Variants in SZRD1 observed in about 807,000 individuals in gnomAD.
The protein encoded by SZRD1 is SUZ RNA-binding domain-containing.
A neutral mutation model predicts 17.6 loss-of-function variants in SZRD1; 7 were observed. The ratio of observed to expected loss-of-function variants is 0.40; its 90% CI spans 0.23 to 0.75. The LOEUF (loss-of-function observed/expected upper bound fraction) is 0.75. Ranked by LOEUF, SZRD1 falls within the 30% of genes least tolerant of loss-of-function variation. SZRD1 has a pLI of 0.38. For synonymous variants in SZRD1, 77 were observed against 77.9 expected, an observed-to-expected ratio of 0.99 and a Z score of 0.06; for missense variants, 178 against 201.8, an observed-to-expected ratio of 0.88 and a Z score of 0.71.
Position 16,393,524 on chromosome 1 carries a change from G to T in SZRD1, c.356+42G>T. On this transcript the variant is annotated intron_variant, in intron 3 of 3. Coordinates refer to ENST00000401088, the MANE Select transcript of SZRD1 (RefSeq NM_001114600.3). The surrounding 1 kb of genome is among the most constrained non-coding windows in gnomAD (Gnocchi z 5.6). ...GGGCCGGCCAGTGATGGCTGTCCCA[G>T]TCCACCCGGGAAGAGGAGAGCATCC... 1 of 1,563,978 alleles carries T rather than the reference G, an allele frequency of 6.4e-7. No homozygotes were observed. Among genetic ancestry groups the T allele is most frequent in the South Asian group, 1.2e-5 (1 of 86,696 alleles).
In SZRD1 at chr1:16,395,253, C is replaced by A; in HGVS notation, c.*113C>A. 1.3e-6 allele frequency: 1 copy of A among 761,066 alleles called. No individual in the cohort carries two copies. The allele number at this position is 761,066 out of a possible 1,614,324, so 47.1% of individuals were successfully genotyped here. A position where few individuals can be genotyped will look rare whatever the true frequency, so the allele number is the denominator to read the frequency against. On this transcript the variant is annotated 3_prime_UTR_variant, in exon 4 of 4. Transcript: ENST00000401088. ...GACTTGAGCAGAGGGAACGACCTGA[C>A]TTACTTGCACTGTGATCCCCCTTGC...
chr1:16,390,678 T>G (rs1171334675), intron 1 of SZRD1: 2 of 152,162 alleles, frequency 1.3e-5, no homozygotes. Flanking sequence ...AAATACATTA[T>G]TAAAATATTA....
intron 1 of SZRD1, among the ~76,000 whole-genome samples, chr1:16,381,860 G>A (rs2083111084): frequency 1.3e-5 from 2 of 152,074 alleles, no homozygotes; most frequent in Non-Finnish European, 2.9e-5. Context: ...AGGAGGTGGA[G>A]GTTGCAGTGA....
intron 1 of SZRD1, among the ~76,000 whole-genome samples, chr1:16,368,653 A>G (rs1410392132): frequency 1.3e-5 from 2 of 152,146 alleles, no homozygotes; most frequent in Non-Finnish European, 1.5e-5. Context: ...TGTTCATTCA[A>G]CCAGCATTTT....
Position 16,391,190 on chromosome 1 carries a change from G to A in SZRD1, c.52-185G>A, listed in dbSNP as rs2271515. On this transcript the variant is annotated intron_variant, in intron 1 of 3. Coordinates refer to ENST00000401088, the MANE Select transcript of SZRD1 (RefSeq NM_001114600.3). This position sits in a 1 kb window ranked among gnomAD's most constrained non-coding sequence, Gnocchi z 4.3. Reference sequence around the variant, plus strand: ...GTCATGGCGGCCATGGGGCTAGAAGGGAGATGGACCTGCAGAGGGTATCAG... The same window carrying A: ...GTCATGGCGGCCATGGGGCTAGAAGAGAGATGGACCTGCAGAGGGTATCAG... Among the ~76,000 whole-genome samples the A allele has an allele frequency of 2.2e-3, 339 of 152,230 alleles. 9 individuals are homozygous for A. The East Asian group carries it at 0.06, about 27-fold the overall frequency.
At chr1:16,369,312 T>A in intron 1 of SZRD1, 1 of 699,412 alleles carries the variant, frequency 1.4e-6, no homozygotes, top group Non-Finnish European at 2.6e-6. Flanking sequence ...GCACCTCGGA[T>A]GTCACGTTGA....
chr1:16,369,447 G>C, intron 1 of SZRD1: 4 of 1,047,338 alleles, frequency 3.8e-6, no homozygotes, highest in Non-Finnish European at 5.9e-6. Context: ...CATCTTCTAC[G>C]GGGTGAGTGC....
intron 1 of SZRD1, among the ~76,000 whole-genome samples, chr1:16,390,152 T>C (rs1378510139): frequency 2.0e-5 from 3 of 152,242 alleles, no homozygotes; most frequent in African/African-American, 7.2e-5. Context: ...CTAGTTGATC[T>C]TGTCCTCACT....
chr1:16,378,992 G>A (rs1557624679), intron 1 of SZRD1, among the ~76,000 whole-genome samples: 1 of 152,118 alleles, frequency 6.6e-6, no homozygotes, highest in Non-Finnish European at 1.5e-5. Flanking sequence ...CTCCCAAAGT[G>A]CTGGGGTTAC....
chr1:16,377,178 G>A (rs894212031), intron 1 of SZRD1, among the ~76,000 whole-genome samples: 20 of 152,120 alleles, frequency 1.3e-4, no homozygotes, highest in Admixed American at 1.3e-3. Context: ...GATTTGATGA[G>A]GGCACCCTTG....
chr1:16,392,267 T>G (rs2085231052), intron 2 of SZRD1, among the ~76,000 whole-genome samples: 2 of 152,104 alleles, frequency 1.3e-5, no homozygotes, highest in Admixed American at 1.3e-4. Context: ...CAATCCCGAC[T>G]CCTCCTGACA....
intron 1 of SZRD1, among the ~76,000 whole-genome samples, chr1:16,371,808 C>T (rs958242755): frequency 1.1e-4 from 16 of 151,984 alleles, no homozygotes; most frequent in African/African-American, 3.4e-4. Context: ...GGTTGGAGTG[C>T]AGTGGTCGGA....
At chr1:16,384,308 G>A (rs1405924476) in intron 1 of SZRD1, among the ~76,000 whole-genome samples, 3 of 151,662 alleles carry the variant, frequency 2.0e-5, no homozygotes, top group Admixed American at 2.0e-4. Context: ...GGAGAGTGAG[G>A]TGGGAGGATC....
intron 1 of SZRD1, among the ~76,000 whole-genome samples, chr1:16,386,362 G>T (rs773404145): frequency 6.6e-6 from 1 of 152,206 alleles, no homozygotes; most frequent in Non-Finnish European, 1.5e-5. Context: ...TAGGTAGTAC[G>T]ATTCCTTATT....
At chr1:16,384,620 C>T (rs1229567973) in intron 1 of SZRD1, among the ~76,000 whole-genome samples, 1 of 152,210 alleles carries the variant, frequency 6.6e-6, no homozygotes, top group Non-Finnish European at 1.5e-5. Flanking sequence ...GCCCAGGGAC[C>T]TGGGCGCCAG....
intron 3 of SZRD1, 89 bp from the exon 4 acceptor site, chr1:16,394,949 C>G: frequency 1.3e-6 from 1 of 790,690 alleles, no homozygotes; most frequent in Admixed American, 2.6e-5. Flanking sequence ...AATGAGACTC[C>G]GTCTCAAAAA....
intron 1 of SZRD1, among the ~76,000 whole-genome samples, chr1:16,368,796 T>G (rs888325160): frequency 1.3e-5 from 2 of 152,198 alleles, no homozygotes; most frequent in Non-Finnish European, 2.9e-5. Flanking sequence ...TAAAAAAGCT[T>G]GGCTTACAAC....
Position 16,393,350 on chromosome 1 carries a change from C to A in SZRD1, c.224C>A (p.Pro75His). Residue 75 changes from proline (P) to histidine (H), a missense_variant, in exon 3 of 4, where the codon CCC becomes CAC. Around this residue, in one of 3 missense-constraint regions of SZRD1, gnomAD observed 117 missense variants for 108.7 expected, o/e 1.08. Transcript: ENST00000401088. This position sits in a 1 kb window ranked among gnomAD's most constrained non-coding sequence, Gnocchi z 5.6. Reference sequence around the variant, plus strand: ...ACCAGCAACGGTGTGGTCAGCAGCCCCAACTCCACCAGCAGGCCCACCCTT... The same window carrying A: ...ACCAGCAACGGTGTGGTCAGCAGCCACAACTCCACCAGCAGGCCCACCCTT... ...RPTSNGVVSS[P>H]NSTSRPTLPV... is the part of the protein sequence containing the mutation. 6.2e-7 allele frequency: 1 copy of A among 1,614,190 alleles called. No individual in the cohort carries two copies.
At chr1:16,376,903 A>G (rs2083013569) in intron 1 of SZRD1, among the ~76,000 whole-genome samples, 1 of 151,592 alleles carries the variant, frequency 6.6e-6, no homozygotes, top group Non-Finnish European at 1.5e-5. Flanking sequence ...GATCGCTTCA[A>G]GTGATACTCC....
Sources: gnomAD v4.1 joint callset for allele counts (sites outside exome capture counted in the v4.1 genomes callset) on GRCh38, gnomAD v4.1.1 for gene constraint, gnomAD v4.1.1 regional missense constraint, Gnocchi (gnomAD v3.1) non-coding constraint, MANE v1.5 for transcripts, NCBI Gene and HGNC (gene_info 2026-07-23, HGNC 2026-07-21) for gene names.